The following CACNB2 variants were observed in gnomAD, a reference collection of about 807,000 sequenced individuals.
CACNB2 encodes the protein voltage-dependent L-type calcium channel subunit beta-2.
Under a neutral mutation model 73.3 loss-of-function variants are expected in CACNB2, and 42 were observed. The observed-to-expected ratio is 0.57, with a 90% CI of 0.45 to 0.74. CACNB2 has a LOEUF of 0.74. Among genes scored for constraint, CACNB2 ranks in the 30% least tolerant of loss-of-function variants. CACNB2 has a pLI of 0.00. For synonymous variants in CACNB2, 348 were observed against 310.3 expected (o/e 1.12, Z -1.28); for missense variants, 940 against 853.0 (o/e 1.10, Z -1.27).
chr10:18,502,353 A>G (rs1239850562), intron 5 of CACNB2, among the ~76,000 whole-genome samples: 3 of 151,378 alleles, frequency 2.0e-5, no homozygotes, highest in Admixed American at 2.0e-4. Context: ...ACATGGATGG[A>G]GCCGGAGGCC....
chr10:18,535,748 G>A (rs1225598052), intron 11 of CACNB2, among the ~76,000 whole-genome samples: 1 of 148,866 alleles, frequency 6.7e-6, no homozygotes, highest in Non-Finnish European at 1.5e-5. Flanking sequence ...ACTCCAGCCT[G>A]GGCAACAGAG....
At chr10:18,434,329 G>T (rs912799482) in intron 3 of CACNB2, among the ~76,000 whole-genome samples, 4 of 152,050 alleles carry the variant, frequency 2.6e-5, no homozygotes, top group African/African-American at 9.7e-5. Flanking sequence ...AGGGAATTAG[G>T]AATGTACAAA....
At chr10:18,532,687 A>AG (rs1462764343) in intron 10 of CACNB2, among the ~76,000 whole-genome samples, 1 of 58,748 alleles carries the variant, frequency 1.7e-5, no homozygotes, top group African/African-American at 7.0e-5. Context: ...AAAAAAAAAA[A>AG]AAAAAAAAAC....
chr10:18,209,638 T>A (rs1315707883), intron 2 of CACNB2, among the ~76,000 whole-genome samples: 1 of 152,180 alleles, frequency 6.6e-6, no homozygotes, highest in East Asian at 1.9e-4. Context: ...GCTATTGATT[T>A]TTTTTTATAT....
intron 3 of CACNB2, among the ~76,000 whole-genome samples, chr10:18,497,753 A>G (rs554061322): frequency 6.6e-6 from 1 of 152,308 alleles, no homozygotes; most frequent in East Asian, 1.9e-4. Context: ...AAAGCATCAA[A>G]TAAGGAAAGA....
chr10:18,150,012 AT>A (rs1469986268), intron 1 of CACNB2, among the ~76,000 whole-genome samples: 1 of 152,218 alleles, frequency 6.6e-6, no homozygotes, highest in Non-Finnish European at 1.5e-5. Context: ...TATGTCCAGG[AT>A]TCTAACCTGT....
intron 3 of CACNB2, among the ~76,000 whole-genome samples, chr10:18,490,780 C>G (rs11014485): frequency 0.19 from 28,044 of 148,786 alleles, 2,860 homozygotes; most frequent in Middle Eastern, 0.27. Context: ...TGTATCTGTG[C>G]TTTCTGCTTT....
intron 2 of CACNB2, among the ~76,000 whole-genome samples, chr10:18,253,100 C>T (rs912746167): frequency 7.9e-5 from 12 of 152,096 alleles, no homozygotes; most frequent in African/African-American, 2.7e-4. Flanking sequence ...TCAATCACTT[C>T]GTATATGAAA....
intron 2 of CACNB2, among the ~76,000 whole-genome samples, chr10:18,240,932 G>A (rs538520828): frequency 6.6e-6 from 1 of 152,154 alleles, no homozygotes; most frequent in Non-Finnish European, 1.5e-5. Context: ...CCAGTGAAAA[G>A]AAAAACACAG....
intron 2 of CACNB2, among the ~76,000 whole-genome samples, chr10:18,292,484 C>G (rs560600502): frequency 1.3e-5 from 2 of 152,022 alleles, no homozygotes; most frequent in African/African-American, 4.8e-5. Flanking sequence ...GGTAAAACCC[C>G]GTCCCTACTA....
rs769082185 is a variant in CACNB2, at chr10:18,539,451, A to G, written c.1710A>G (p.Pro570=). The G allele has an allele frequency of 6.2e-7, 1 of 1,614,022 alleles. No homozygotes were observed. Among genetic ancestry groups the G allele is most frequent in the Non-Finnish European group, 8.5e-7 (1 of 1,179,998 alleles). ...QESRDSAYVE[P]KEDYSHDHVD... ...GTCGAGACTCTGCCTACGTAGAGCC[A>G]AAGGAAGATTATTCCCATGACCACG... is the stretch of plus-strand genomic sequence containing the variant. Residue 570 remains proline (P), a synonymous_variant, in exon 14 of 14, where the codon CCA becomes CCG. Coordinates refer to ENST00000324631, the MANE Select transcript of CACNB2 (RefSeq NM_201596.3).
chr10:18,335,222 A>G (rs1316738753), intron 2 of CACNB2, among the ~76,000 whole-genome samples: 1 of 152,098 alleles, frequency 6.6e-6, no homozygotes, highest in Non-Finnish European at 1.5e-5. Flanking sequence ...CAAGTGACCA[A>G]ATTGTCTTGG....
At chr10:18,337,598 A>G (rs2041059137) in intron 2 of CACNB2, among the ~76,000 whole-genome samples, 1 of 152,192 alleles carries the variant, frequency 6.6e-6, no homozygotes, top group Non-Finnish European at 1.5e-5. Flanking sequence ...TATAATGACC[A>G]ATGATGTAGG....
chr10:18,528,649 C>T (rs887965820), intron 10 of CACNB2, among the ~76,000 whole-genome samples: 1 of 152,108 alleles, frequency 6.6e-6, no homozygotes, highest in African/African-American at 2.4e-5. Flanking sequence ...GAGCATGATA[C>T]ATTATAGAAC....
At chr10:18,231,008 G>A (rs941420894) in intron 2 of CACNB2, among the ~76,000 whole-genome samples, 1 of 152,144 alleles carries the variant, frequency 6.6e-6, no homozygotes, top group Non-Finnish European at 1.5e-5. Flanking sequence ...AAGGTTAGTA[G>A]GCTGAAACGA....
chr10:18,506,694 G>T (rs2050506854), intron 6 of CACNB2, 147 bp downstream of exon 6: 2 of 685,828 alleles, frequency 2.9e-6, no homozygotes, highest in Non-Finnish European at 5.4e-6. Context: ...TGCCCTTTTG[G>T]AGTTACAAAC....
chr10:18,376,773 T>G (rs2042815816), intron 2 of CACNB2, among the ~76,000 whole-genome samples: 1 of 152,072 alleles, frequency 6.6e-6, no homozygotes, highest in Non-Finnish European at 1.5e-5. Context: ...TCCCAGAGGG[T>G]TTATCTCAGG....
At chr10:18,338,471 C>T (rs1190677961) in intron 2 of CACNB2, among the ~76,000 whole-genome samples, 1 of 152,064 alleles carries the variant, frequency 6.6e-6, no homozygotes, top group African/African-American at 2.4e-5. Flanking sequence ...TCTCAAGGTA[C>T]CTTAAAGTTC....
intron 2 of CACNB2, among the ~76,000 whole-genome samples, chr10:18,312,237 A>T (rs1021094800): frequency 3.3e-5 from 5 of 152,156 alleles, no homozygotes; most frequent in Admixed American, 1.3e-4. Flanking sequence ...ATCTAAACCA[A>T]CTACTCAGTC....
Sources: allele counts gnomAD v4.1 joint callset (sites outside exome capture counted in the v4.1 genomes callset), GRCh38; gene constraint gnomAD v4.1.1; transcripts MANE v1.5; gene names NCBI Gene and HGNC (gene_info 2026-07-23, HGNC 2026-07-21).